DGKB: variants seen among roughly 807,000 people sequenced by gnomAD.
DGKB encodes the protein diacylglycerol kinase beta.
In DGKB, 67 loss-of-function variants were observed where a neutral mutation model predicts 114.3. The observed-to-expected ratio is 0.59, with a 90% CI of 0.48 to 0.72. The LOEUF is 0.72. Ranked by LOEUF, DGKB falls within the 30% of genes least tolerant of loss-of-function variation. The probability of loss-of-function intolerance (pLI) is 0.00; values close to 1 mark genes in which losing one functional copy is unlikely to be tolerated. For synonymous variants in DGKB, 398 were observed against 323.1 expected (o/e 1.23, Z -2.49); for missense variants, 907 against 975.2 (o/e 0.93, Z 0.93).
chr7:14,597,387 T>A (rs1802766958), intron 17 of DGKB, among the ~76,000 whole-genome samples: 1 of 152,202 alleles, frequency 6.6e-6, no homozygotes, highest in Admixed American at 6.5e-5. Flanking sequence ...TGTACATAAT[T>A]GAAGATTAGT....
rs187124766 is a variant in DGKB at position 14,511,786 on chromosome 7, C to T, written c.1771-33561G>A. 2.1e-4 allele frequency among the ~76,000 whole-genome samples: 32 copies of T among 152,116 alleles called. 2 individuals are homozygous for T. The East Asian group carries it at 2.9e-3, about 14-fold the overall frequency. ...TTCCTTTCACTTGAATACTTAGAGG[C>T]CACGGTAGGGTTATTAATAGCCTAA... On this transcript the variant is annotated intron_variant, in intron 20 of 25. Transcript: ENST00000402815.
chr7:14,638,590 T>C (rs1377682021), intron 13 of DGKB, among the ~76,000 whole-genome samples: 1 of 152,158 alleles, frequency 6.6e-6, no homozygotes, highest in Non-Finnish European at 1.5e-5. Context: ...AATTAGGCAC[T>C]AGACATAAAG....
rs527516751 is a variant in DGKB, at chr7:14,254,386, C to G, written c.2123-76235G>C. Among the ~76,000 whole-genome samples the G allele has an allele frequency of 3.9e-5, 6 of 152,256 alleles. 1 individual carries two copies. In the South Asian group the frequency reaches 1.2e-3, roughly 32 times the overall value. ...GAATCTATTTCTCTGATCTTGATAT[C>G]ACATGATAGAACATAGAATTTATCC... On this transcript the variant is annotated intron_variant, in intron 23 of 25. Transcript: ENST00000402815.
chr7:14,494,730 T>C (rs973150460), intron 20 of DGKB, among the ~76,000 whole-genome samples: 6 of 151,926 alleles, frequency 3.9e-5, no homozygotes, highest in African/African-American at 9.7e-5. Context: ...TTTTTAAAGG[T>C]ATTCAAAATT....
chr7:14,852,487 C>CAAAAAAAAAAAAAAAAAAAAAAAAAA lies in DGKB; in HGVS notation c.-187-11038_-187-11037insTTTTTTTTTTTTTTTTTTTTTTTTTT. 5.2e-4 allele frequency among the ~76,000 whole-genome samples: 33 copies of CAAAAAAAAAAAAAAAAAAAAAAAAAA among 63,564 alleles called. 2 individuals carry two copies. The highest frequency in any genetic ancestry group is 1.5e-3 in the East Asian group (3 of 2,000). 41.7% of individuals were successfully genotyped at this position (63,564 alleles called of 152,430 possible). A position where few individuals can be genotyped will look rare whatever the true frequency, so the allele number is the denominator to read the frequency against. ...GAGGAATAGCTAAAATAGTGAAAGT[C>CAAAAAAAAAAAAAAAAAAAAAAAAAA]AAAAAAAAAACAGAAATCAAGCATA... On this transcript the variant is annotated intron_variant, in intron 1 of 25. Coordinates refer to ENST00000402815, the MANE Select transcript of DGKB (RefSeq NM_001350709.2).
At chr7:14,358,867 C>A (rs1815126702) in intron 21 of DGKB, among the ~76,000 whole-genome samples, 1 of 152,098 alleles carries the variant, frequency 6.6e-6, no homozygotes, top group African/African-American at 2.4e-5. Context: ...AATGACCACA[C>A]TGCCCAAGGT....
intron 1 of DGKB, among the ~76,000 whole-genome samples, chr7:14,955,940 A>G (rs1187854053): frequency 2.6e-5 from 4 of 152,008 alleles, no homozygotes; most frequent in African/African-American, 4.8e-5. Flanking sequence ...TACTAGAATG[A>G]CATTGAAGAG....
At chr7:14,459,563 A>G (rs910038962) in intron 21 of DGKB, among the ~76,000 whole-genome samples, 1 of 152,154 alleles carries the variant, frequency 6.6e-6, no homozygotes, top group African/African-American at 2.4e-5. Flanking sequence ...AAAAAGAATG[A>G]AAAGGAATGA....
intron 23 of DGKB, among the ~76,000 whole-genome samples, chr7:14,214,276 T>C (rs1394236126): frequency 6.6e-6 from 1 of 152,156 alleles, no homozygotes; most frequent in Non-Finnish European, 1.5e-5. Flanking sequence ...CACTCTTGTC[T>C]TCATTTTCAA....
intron 12 of DGKB, among the ~76,000 whole-genome samples, chr7:14,673,732 T>C (rs1201335753): frequency 6.6e-6 from 1 of 152,072 alleles, no homozygotes; most frequent in Non-Finnish European, 1.5e-5. Context: ...ACGTGGTGTT[T>C]TAAATAGTGA....
At chr7:14,565,965 T>C (rs549116066) in intron 20 of DGKB, among the ~76,000 whole-genome samples, 1 of 152,174 alleles carries the variant, frequency 6.6e-6, no homozygotes, top group Non-Finnish European at 1.5e-5. Flanking sequence ...CAGACTATTG[T>C]CTAGCAAATC....
chr7:14,602,160 A>G (rs1030452765), intron 17 of DGKB, among the ~76,000 whole-genome samples: 5 of 152,202 alleles, frequency 3.3e-5, no homozygotes, highest in African/African-American at 1.2e-4. Flanking sequence ...ATAAAGGGTA[A>G]TTTATAAACA....
chr7:14,520,201 T>G (rs545068890), intron 20 of DGKB, among the ~76,000 whole-genome samples: 28 of 130,068 alleles, frequency 2.2e-4, no homozygotes, highest in Non-Finnish European at 4.4e-4. Flanking sequence ...GACTTTTATC[T>G]TTTTTCCTAT....
At chr7:14,829,966 A>G (rs1203929407) in intron 2 of DGKB, among the ~76,000 whole-genome samples, 1 of 152,036 alleles carries the variant, frequency 6.6e-6, no homozygotes, top group Non-Finnish European at 1.5e-5. Flanking sequence ...ATATCATCTG[A>G]TACCTAGGAA....
chr7:14,328,610 C>A (rs190983766), intron 23 of DGKB, among the ~76,000 whole-genome samples: 7 of 151,928 alleles, frequency 4.6e-5, no homozygotes, highest in Admixed American at 3.9e-4. Context: ...AGAGCTTGAG[C>A]AGGTAAAATA....
intron 5 of DGKB, among the ~76,000 whole-genome samples, chr7:14,723,878 G>C (rs571869443): frequency 1.3e-5 from 2 of 151,974 alleles, no homozygotes; most frequent in Non-Finnish European, 2.9e-5. Context: ...CTCCAATCTA[G>C]ACACTTCATT....
chr7:14,288,871 A>G (rs1443540864), intron 23 of DGKB, among the ~76,000 whole-genome samples: 1 of 152,202 alleles, frequency 6.6e-6, no homozygotes, highest in African/African-American at 2.4e-5. Flanking sequence ...ATCAGAAAGA[A>G]CAGCCCACAC....
chr7:14,382,719 A>T (rs922293727), intron 21 of DGKB, among the ~76,000 whole-genome samples: 2 of 152,086 alleles, frequency 1.3e-5, no homozygotes, highest in African/African-American at 4.8e-5. Context: ...TTTTGTTTTT[A>T]CTCCCTTTGG....
chr7:14,617,834 TACCCAAATATC>T (rs1806830025), intron 15 of DGKB, among the ~76,000 whole-genome samples: 1 of 151,624 alleles, frequency 6.6e-6, no homozygotes, highest in South Asian at 2.1e-4. Flanking sequence ...TTTAAGTCTT[TACCCAAATATC>T]ACTTTATTAA....
Sources: allele counts gnomAD v4.1 joint callset (sites outside exome capture counted in the v4.1 genomes callset), GRCh38; gene constraint gnomAD v4.1.1; transcripts MANE v1.5; gene names NCBI Gene and HGNC (gene_info 2026-07-23, HGNC 2026-07-21).